Variants in CADM1 observed in about 807,000 individuals in gnomAD.
CADM1 encodes the protein cell adhesion molecule 1.
A neutral mutation model predicts 53.1 loss-of-function variants in CADM1; 15 were observed. The ratio of observed to expected loss-of-function variants is 0.28; its 90% CI spans 0.19 to 0.44. The LOEUF (loss-of-function observed/expected upper bound fraction) is 0.44, where lower values mean the gene tolerates loss of function less well. Among genes scored for constraint, CADM1 ranks in the 20% least tolerant of loss-of-function variants. The pLI, the probability that CADM1 is intolerant of heterozygous loss-of-function variation, is 1.00. For missense variants in CADM1, 434 were observed against 611.3 expected, an observed-to-expected ratio of 0.71 and a Z score of 3.06; for synonymous variants, 281 against 243.0, an observed-to-expected ratio of 1.16 and a Z score of -1.45.
chr11:115,389,150 G>A (rs1946772016), intron 1 of CADM1, among the ~76,000 whole-genome samples: 2 of 152,082 alleles, frequency 1.3e-5, no homozygotes, highest in African/African-American at 2.4e-5. Flanking sequence ...AAAAGACAGA[G>A]GGAGAGTTCA....
At chr11:115,379,956 A>C (rs1946532881) in intron 1 of CADM1, among the ~76,000 whole-genome samples, 1 of 152,166 alleles carries the variant, frequency 6.6e-6, no homozygotes, top group Admixed American at 6.5e-5. Context: ...AGTATAGACT[A>C]TATAATAAAA....
chr11:115,173,570 C>T lies in CADM1; in HGVS notation c.*2904G>A, dbSNP rs1565275347. 5.5e-6 allele frequency: 1 copy of T among 180,798 alleles called. No homozygotes were observed. Among genetic ancestry groups the T allele is most frequent in the Non-Finnish European group, 1.1e-5 (1 of 94,220 alleles). The allele number at this position is 180,798 out of a possible 1,614,324, so 11.2% of individuals were successfully genotyped here. Reference sequence around the variant, plus strand: ...AAGGAGGAAGCTGGGACCAGAGGCCCATCTCTTCTCTCACTCGGAGGCGTC... The same window carrying T: ...AAGGAGGAAGCTGGGACCAGAGGCCTATCTCTTCTCTCACTCGGAGGCGTC... On this transcript the variant is annotated 3_prime_UTR_variant, in exon 12 of 12. Coordinates refer to ENST00000331581, the MANE Select transcript of CADM1 (RefSeq NM_001301043.2).
intron 1 of CADM1, among the ~76,000 whole-genome samples, chr11:115,330,790 T>C (rs1945110473): frequency 6.6e-6 from 1 of 152,184 alleles, no homozygotes; most frequent in African/African-American, 2.4e-5. Flanking sequence ...GTGCAAATCC[T>C]GGTTCTTGAC....
In CADM1 at chr11:115,171,936, C is replaced by T. The variant is rs780744334; in HGVS notation, c.*4538G>A. 6.6e-6 allele frequency: 1 copy of T among 152,218 alleles called. No individual in the cohort carries two copies. 9.4% of individuals were successfully genotyped at this position (152,218 alleles called of 1,614,324 possible). The stretch of plus-strand genomic sequence containing the variant: ...TGAGTAGTGACCGCTTCTTCGTAGC[C>T]CTGGGTAACCTTCTATCGTTTTAGT... On this transcript the variant is annotated 3_prime_UTR_variant, in exon 12 of 12. Coordinates refer to ENST00000331581, the MANE Select transcript of CADM1 (RefSeq NM_001301043.2).
chr11:115,497,092 C>T (rs879415501), intron 1 of CADM1, among the ~76,000 whole-genome samples: 1 of 152,116 alleles, frequency 6.6e-6, no homozygotes, highest in Admixed American at 6.5e-5. Flanking sequence ...GGACAGCCAA[C>T]GAGGAATCAG....
intron 1 of CADM1, among the ~76,000 whole-genome samples, chr11:115,332,793 T>C (rs1190311751): frequency 6.6e-6 from 1 of 152,040 alleles, no homozygotes; most frequent in African/African-American, 2.4e-5. Flanking sequence ...GAAATAAAAA[T>C]ATAAATAATC....
chr11:115,457,183 A>G (rs1454877381), intron 1 of CADM1, among the ~76,000 whole-genome samples: 1 of 152,194 alleles, frequency 6.6e-6, no homozygotes, highest in East Asian at 1.9e-4. Flanking sequence ...ATAACTTTGC[A>G]ACGGTGACAG....
intron 4 of CADM1, 68 bp downstream of exon 4, chr11:115,231,285 T>C: frequency 3.9e-6 from 6 of 1,550,028 alleles, no homozygotes; most frequent in South Asian, 3.3e-5. Context: ...TATTTCTCCA[T>C]GATTTTCACA....
At chr11:115,416,698 TAC>T (rs34112529) in intron 1 of CADM1, among the ~76,000 whole-genome samples, 4,260 of 141,308 alleles carry the variant, frequency 0.03, 73 homozygotes, top group African/African-American at 0.055. Flanking sequence ...AAGGATTAAA[TAC>T]ACACACACAC....
intron 1 of CADM1, among the ~76,000 whole-genome samples, chr11:115,375,342 GAGGA>G: frequency 6.6e-6 from 1 of 152,152 alleles, no homozygotes; most frequent in East Asian, 1.9e-4. Context: ...TATCACTGGG[GAGGA>G]AGGAAGCGCA....
chr11:115,378,691 G>A (rs1343511922), intron 1 of CADM1, among the ~76,000 whole-genome samples: 4 of 151,990 alleles, frequency 2.6e-5, no homozygotes, highest in East Asian at 1.9e-4. Flanking sequence ...CACAACACCC[G>A]AAAAACACAT....
intron 9 of CADM1, among the ~76,000 whole-genome samples, chr11:115,193,259 T>C (rs548830165): frequency 1.8e-4 from 27 of 152,360 alleles, no homozygotes; most frequent in Non-Finnish European, 3.4e-4. Flanking sequence ...CTCTTGAAAC[T>C]TTCATATCAT....
intron 5 of CADM1, among the ~76,000 whole-genome samples, chr11:115,218,934 A>G (rs1941299735): frequency 6.6e-6 from 1 of 152,226 alleles, no homozygotes. Flanking sequence ...ATACACATAC[A>G]AATACATTAA....
chr11:115,494,151 G>A (rs1406298175), intron 1 of CADM1, among the ~76,000 whole-genome samples: 1 of 151,970 alleles, frequency 6.6e-6, no homozygotes, highest in Admixed American at 6.6e-5. Flanking sequence ...GAGAGAGAAA[G>A]CAAATGGGGA....
intron 1 of CADM1, among the ~76,000 whole-genome samples, chr11:115,296,233 G>T (rs534704814): frequency 6.6e-6 from 1 of 152,186 alleles, no homozygotes; most frequent in Non-Finnish European, 1.5e-5. Context: ...TTATAGGCAT[G>T]AACGACTGTG....
intron 1 of CADM1, among the ~76,000 whole-genome samples, chr11:115,488,098 G>A (rs1949416978): frequency 6.6e-6 from 1 of 151,150 alleles, no homozygotes; most frequent in African/African-American, 2.4e-5. Flanking sequence ...GGAAGACATA[G>A]CATTCCTCTC....
At chr11:115,351,299 G>C (rs1945730152) in intron 1 of CADM1, among the ~76,000 whole-genome samples, 1 of 152,140 alleles carries the variant, frequency 6.6e-6, no homozygotes, top group African/African-American at 2.4e-5. Flanking sequence ...AACTTAGGAA[G>C]ACGTACCTTC....
chr11:115,216,835 A>G (rs1167526429), intron 6 of CADM1, among the ~76,000 whole-genome samples: 1 of 152,210 alleles, frequency 6.6e-6, no homozygotes, highest in Non-Finnish European at 1.5e-5. Flanking sequence ...GTCATAGATC[A>G]TTCCTTAGTT....
intron 1 of CADM1, among the ~76,000 whole-genome samples, chr11:115,278,110 C>T (rs2135068462): frequency 6.6e-6 from 1 of 152,244 alleles, no homozygotes; most frequent in East Asian, 1.9e-4. Context: ...GCCATGAAAC[C>T]TTGCCTGATT....
Sources: allele counts gnomAD v4.1 joint callset (sites outside exome capture counted in the v4.1 genomes callset), GRCh38; gene constraint gnomAD v4.1.1; transcripts MANE v1.5; gene names NCBI Gene and HGNC (gene_info 2026-07-23, HGNC 2026-07-21).